The following MYO7B variants were observed in gnomAD, a reference collection of about 807,000 sequenced individuals.
MYO7B encodes myosin VIIB.
A neutral mutation model predicts 259.7 loss-of-function variants in MYO7B; 212 were observed. The ratio of observed to expected loss-of-function variants is 0.82; its 90% CI spans 0.73 to 0.91. The LOEUF (loss-of-function observed/expected upper bound fraction) is 0.91, where lower values mean the gene tolerates loss of function less well. Among genes scored for constraint, MYO7B ranks in the 40% least tolerant of loss-of-function variants. The pLI, the probability that MYO7B is intolerant of heterozygous loss-of-function variation, is 0.00. For synonymous variants in MYO7B, 1,197 were observed against 1,166.4 expected, an observed-to-expected ratio of 1.03 and a Z score of -0.54; for missense variants, 2,732 against 2,813.5, an observed-to-expected ratio of 0.97 and a Z score of 0.66.
Position 127,590,443 on chromosome 2 carries a change from C to T in MYO7B, c.1992+214C>T, listed in dbSNP as rs1194862223. On this transcript the variant is annotated intron_variant, in intron 16 of 47. Transcript: ENST00000409816. This position sits in a 1 kb window ranked among gnomAD's most constrained non-coding sequence, Gnocchi z 4.6. ...TTTGGGTTGCTGAGACCTCAGTTCC[C>T]TTAGCTCCGCCATGCATCTTCTGTG... Among the ~76,000 whole-genome samples, 1 of 152,234 alleles carries T rather than the reference C, an allele frequency of 6.6e-6. No individual in the cohort carries two copies. Among genetic ancestry groups the T allele is most frequent in the East Asian group, 1.9e-4 (1 of 5,198 alleles).
intron 42 of MYO7B, 22 bp downstream of exon 42, chr2:127,634,705 T>G: frequency 2.6e-6 from 4 of 1,560,002 alleles, no homozygotes; most frequent in Non-Finnish European, 2.6e-6. Context: ...TCTGTGGAGC[T>G]GGGGGAGGGC....
At position 127,596,357 on chromosome 2, in the gene MYO7B, G is replaced by A. The variant is rs564018420; in HGVS notation, c.2245-105G>A. The A allele has an allele frequency of 8.6e-6, 8 of 933,722 alleles. No homozygotes were observed. In the East Asian group the frequency reaches 1.8e-4, roughly 22 times the overall value. 57.8% of individuals were successfully genotyped at this position (933,722 alleles called of 1,614,324 possible). ...CCCCCTTCTCTGGCCTGCCCTCCTG[G>A]GAGAAGCCTGAGAGATGCTACCTTC... On this transcript the variant is annotated intron_variant, in intron 18 of 47. Transcript: ENST00000409816.
chr2:127,607,501 G>T lies in MYO7B; in HGVS notation c.2643+77G>T, dbSNP rs1251551873. 7.7e-6 allele frequency: 10 copies of T among 1,295,912 alleles called. No individual in the cohort carries two copies. The highest frequency in any genetic ancestry group is 1.5e-5 in the African/African-American group (1 of 67,644). 80.3% of individuals were successfully genotyped at this position (1,295,912 alleles called of 1,614,324 possible). ...GGGTGAGGGCAAGAAGGAGTGAGCG[G>T]CTGTGTAGAGAGCTCACCAGAAGCG... On this transcript the variant is annotated intron_variant, in intron 21 of 47. Transcript: ENST00000409816. This position sits in a 1 kb window ranked among gnomAD's most constrained non-coding sequence, Gnocchi z 4.4.
rs1217085317 is a variant in MYO7B, at chr2:127,584,358, C to G, written c.1554+26C>G. 3.1e-6 allele frequency: 5 copies of G among 1,608,564 alleles called. No homozygotes were observed. The highest frequency in any genetic ancestry group is 4.3e-6 in the Non-Finnish European group (5 of 1,175,324). On this transcript the variant is annotated intron_variant, in intron 13 of 47. Coordinates refer to ENST00000409816, the MANE Select transcript of MYO7B (RefSeq NM_001393586.1). The surrounding 1 kb of genome is among the most constrained non-coding windows in gnomAD (Gnocchi z 5.8). Reference sequence around the variant, plus strand: ...GTGTGTGTTCGGGCCTGCCGACCTTCTGGTGGAGGCCCTGCTATGGGTCTC... The same window carrying G: ...GTGTGTGTTCGGGCCTGCCGACCTTGTGGTGGAGGCCCTGCTATGGGTCTC...
At chr2:127,610,145 GA>G in intron 24 of MYO7B, 129 bp downstream of exon 24, 1 of 1,281,638 alleles carries the variant, frequency 7.8e-7, no homozygotes, top group Non-Finnish European at 1.1e-6. Flanking sequence ...CTTACCCATG[GA>G]ACCCAGCCCC....
chr2:127,579,485 G>C (rs1679015938), intron 9 of MYO7B, among the ~76,000 whole-genome samples: 1 of 152,216 alleles, frequency 6.6e-6, no homozygotes, highest in African/African-American at 2.4e-5. Flanking sequence ...AACCAGAGGT[G>C]GGCACCGGGG....
rs187365730 is a variant in MYO7B at position 127,584,888 on chromosome 2, C to G, written c.1665C>G (p.Ala555=). The G allele has an allele frequency of 1.2e-6, 2 of 1,613,890 alleles. No individual in the cohort carries two copies. Among genetic ancestry groups the G allele is most frequent in the African/African-American group, 2.7e-5 (2 of 75,004 alleles). Residue 555 remains alanine, a synonymous_variant, in exon 14 of 48, where the codon GCC becomes GCG. Transcript: ENST00000409816. This position sits in a 1 kb window ranked among gnomAD's most constrained non-coding sequence, Gnocchi z 5.8. ...HDARFGIAHF[A]GEVYYQAEGF... ...CCAGATTTGGCATTGCCCATTTTGC[C>G]GGCGAGGTGTACTACCAAGCAGAAG...
intron 2 of MYO7B, among the ~76,000 whole-genome samples, chr2:127,563,122 C>T (rs1678176366): frequency 6.6e-6 from 1 of 152,232 alleles, no homozygotes; most frequent in Non-Finnish European, 1.5e-5. Flanking sequence ...TGTCCCCCAT[C>T]TAATTCCTGG....
At chr2:127,612,028 C>T (rs889643876) in intron 24 of MYO7B, among the ~76,000 whole-genome samples, 3 of 152,150 alleles carry the variant, frequency 2.0e-5, no homozygotes, top group African/African-American at 7.2e-5. Flanking sequence ...TCTTGCCTTC[C>T]CTGAGCCTCT....
chr2:127,620,117 TA>T, intron 26 of MYO7B: 1 of 399,722 alleles, frequency 2.5e-6, no homozygotes, highest in South Asian at 7.3e-5. Flanking sequence ...AGCCCCACCC[TA>T]AAGGACCGAG....
In MYO7B at chr2:127,614,589, G is replaced by A. The variant is rs1290631060; in HGVS notation, c.3398+1986G>A. ...AACTCAATCAACAGGCTCTATTCTAGTACCCTGGGAGGTGGCAAATGGGCT... is the reference window on the plus strand; with the variant it reads ...AACTCAATCAACAGGCTCTATTCTAATACCCTGGGAGGTGGCAAATGGGCT... On this transcript the variant is annotated intron_variant, in intron 26 of 47. Coordinates refer to ENST00000409816, the MANE Select transcript of MYO7B (RefSeq NM_001393586.1). The surrounding 1 kb of genome is among the most constrained non-coding windows in gnomAD (Gnocchi z 4.6). 3.9e-5 allele frequency among the ~76,000 whole-genome samples: 6 copies of A among 152,132 alleles called. No homozygotes were observed. The highest frequency in any genetic ancestry group is 7.3e-5 in the Non-Finnish European group (5 of 68,028).
chr2:127,633,148 CTG>C lies in MYO7B; in HGVS notation c.5406-109_5406-108del, dbSNP rs1573727483. ...GCTGGAACCACCCCAGTGATGGTCACTGGGGTTTTCTTTTGTTTCTGGCACAT... is the reference window on the plus strand; with the variant it reads ...GCTGGAACCACCCCAGTGATGGTCACGGGTTTTCTTTTGTTTCTGGCACAT... On this transcript the variant is annotated intron_variant, in intron 39 of 47. Transcript: ENST00000409816. 6 of 833,268 alleles carry C rather than the reference CTG, an allele frequency of 7.2e-6. No individual in the cohort carries two copies. The East Asian group carries it at 1.6e-4, about 22-fold the overall frequency. The allele number at this position is 833,268 out of a possible 1,614,324, so 51.6% of individuals were successfully genotyped here.
intron 1 of MYO7B, among the ~76,000 whole-genome samples, chr2:127,550,830 G>T (rs374675604): frequency 6.8e-6 from 1 of 146,338 alleles, no homozygotes; most frequent in East Asian, 2.1e-4. Flanking sequence ...ACTATTCAGA[G>T]GGTAAAGGAC....
rs892501256 is a variant in MYO7B at position 127,615,368 on chromosome 2, G to A, written c.3398+2765G>A. 3.3e-5 allele frequency among the ~76,000 whole-genome samples: 5 copies of A among 152,164 alleles called. No homozygotes were observed. The highest frequency in any genetic ancestry group is 1.9e-4 in the East Asian group (1 of 5,194). Reference sequence around the variant, plus strand: ...TGAGACAGAACAAAGGGGGATGAACGTAGAAATGAAAACTGAAGACAAAAG... The same window carrying A: ...TGAGACAGAACAAAGGGGGATGAACATAGAAATGAAAACTGAAGACAAAAG... On this transcript the variant is annotated intron_variant, in intron 26 of 47. Coordinates refer to ENST00000409816, the MANE Select transcript of MYO7B (RefSeq NM_001393586.1). This position sits in a 1 kb window ranked among gnomAD's most constrained non-coding sequence, Gnocchi z 4.4.
intron 26 of MYO7B, among the ~76,000 whole-genome samples, chr2:127,619,061 G>T (rs1355283327): frequency 7.4e-6 from 1 of 135,452 alleles, no homozygotes; most frequent in Non-Finnish European, 1.6e-5. Context: ...TGGATTGTGG[G>T]GGCTGGTTGG....
Position 127,625,417 on chromosome 2 carries a change from G to A in MYO7B, c.4097G>A (p.Gly1366Asp). ...GCCCGGCACTGCTACGTGCAGCTCGGCGCCTCAGCAGAGAGCAAGGCTGTC... is the reference window on the plus strand; with the variant it reads ...GCCCGGCACTGCTACGTGCAGCTCGACGCCTCAGCAGAGAGCAAGGCTGTC... ...LLARHCYVQL[G>D]ASAESKAVQE... The change falls in exon 31 of 48, where the codon GGC (glycine) becomes GAC (aspartate). Residue 1366 changes from glycine (G) to aspartate (D), a missense_variant. By Grantham distance (94) the Gly-to-Asp change is moderately conservative. Coordinates refer to ENST00000409816, the MANE Select transcript of MYO7B (RefSeq NM_001393586.1). The A allele has an allele frequency of 1.2e-6, 2 of 1,609,392 alleles. No individual in the cohort carries two copies. Among genetic ancestry groups the A allele is most frequent in the Non-Finnish European group, 1.7e-6 (2 of 1,178,596 alleles).
chr2:127,618,517 TG>T (rs1680680020), intron 26 of MYO7B, among the ~76,000 whole-genome samples: 1 of 152,370 alleles, frequency 6.6e-6, no homozygotes, highest in Middle Eastern at 3.4e-3. Flanking sequence ...CACTTGTGCC[TG>T]GGTCGTGACT....
intron 19 of MYO7B, among the ~76,000 whole-genome samples, chr2:127,598,383 A>G (rs1350631392): frequency 6.6e-6 from 1 of 152,110 alleles, no homozygotes; most frequent in Non-Finnish European, 1.5e-5. Context: ...CTTGTCATGT[A>G]TGTGTCCCCT....
chr2:127,578,217 G>A lies in MYO7B; in HGVS notation c.934G>A (p.Asp312Asn), dbSNP rs902318351. 11 of 1,613,682 alleles carry A rather than the reference G, an allele frequency of 6.8e-6. No individual in the cohort carries two copies. The highest frequency in any genetic ancestry group is 1.3e-5 in the African/African-American group (1 of 74,878). ...GGCCATGAAGATCCTCCAGTTCTCC[G>A]ACTCCGAGAGCTGGGACGTCATCAA... ...RSAMKILQFS[D>N]SESWDVIKLL... Residue 312 changes from aspartate to asparagine, a missense_variant, in exon 9 of 48, where the codon GAC becomes AAC. Physicochemically the swap from Asp to Asn is conservative, Grantham distance 23 (BLOSUM62 1). Transcript: ENST00000409816.
Sources: allele counts gnomAD v4.1 joint callset (sites outside exome capture counted in the v4.1 genomes callset), GRCh38; gene constraint gnomAD v4.1.1; non-coding constraint Gnocchi (gnomAD v3.1); transcripts MANE v1.5; gene names NCBI Gene and HGNC (gene_info 2026-07-23, HGNC 2026-07-21).